The following SNX29 variants were observed in gnomAD, a reference collection of about 807,000 sequenced individuals.
SNX29 encodes sorting nexin-29.
In SNX29, 78 loss-of-function variants were observed where a neutral mutation model predicts 102.1. That is an observed-to-expected ratio of 0.76 (90% confidence interval 0.64 to 0.92). SNX29 has a LOEUF of 0.92. Among genes scored for constraint, SNX29 ranks in the 40% least tolerant of loss-of-function variants. The pLI is 0.00. For missense variants in SNX29, 1,280 were observed against 1,061.7 expected (o/e 1.21, Z -2.86); for synonymous variants, 580 against 414.5 (o/e 1.40, Z -4.85).
At chr16:12,535,325 G>T (rs1338817603) in intron 20 of SNX29, among the ~76,000 whole-genome samples, 1 of 152,180 alleles carries the variant, frequency 6.6e-6, no homozygotes, top group Non-Finnish European at 1.5e-5. Flanking sequence ...TTTTAGTAGA[G>T]ATGAGGTTTC....
chr16:12,063,392 T>TTTTTTTTG (rs2050869606), intron 9 of SNX29, among the ~76,000 whole-genome samples: 3 of 99,912 alleles, frequency 3.0e-5, no homozygotes, highest in Non-Finnish European at 6.0e-5. Context: ...TTTTTTTTTT[T>TTTTTTTTG]GAGGTGGAGT....
intron 18 of SNX29, among the ~76,000 whole-genome samples, chr16:12,404,934 A>G (rs1285826902): frequency 1.3e-5 from 2 of 152,258 alleles, no homozygotes; most frequent in Admixed American, 1.3e-4. Flanking sequence ...AGACTTTGGC[A>G]TGAGAAGTTT....
intron 15 of SNX29, among the ~76,000 whole-genome samples, chr16:12,292,487 C>T (rs2151067535): frequency 6.6e-6 from 1 of 152,290 alleles, no homozygotes; most frequent in East Asian, 1.9e-4. Flanking sequence ...ATAGGAATTT[C>T]CTCTTAAGTC....
Position 12,570,348 on chromosome 16 carries a change from G to A in SNX29, c.*1719G>A. ...AACTTGGTCTCCCTCCCACTCACCT[G>A]CCAACATTGCTGCAATACACATGGT... On this transcript the variant is annotated 3_prime_UTR_variant, in exon 21 of 21. Coordinates refer to ENST00000566228, the MANE Select transcript of SNX29 (RefSeq NM_032167.5). The A allele has an allele frequency of 1.6e-6, 1 of 607,586 alleles. No homozygotes were observed. Among genetic ancestry groups the A allele is most frequent in the Non-Finnish European group, 2.2e-6 (1 of 460,410 alleles). 37.6% of individuals were successfully genotyped at this position (607,586 alleles called of 1,614,324 possible).
At chr16:12,220,056 T>G (rs976680044) in intron 14 of SNX29, among the ~76,000 whole-genome samples, 5 of 152,240 alleles carry the variant, frequency 3.3e-5, no homozygotes, top group African/African-American at 1.2e-4. Flanking sequence ...TGAAAACTGA[T>G]TCTGCTGTTA....
chr16:12,558,293 C>G lies in SNX29; in HGVS notation c.2319-10213C>G, dbSNP rs540746225. ...GTCAGGCTGAGCCAGCTCTGAAACG[C>G]GAGATGGCCCCTGGTCACCTCAAGT... On this transcript the variant is annotated intron_variant, in intron 20 of 20. Coordinates refer to ENST00000566228, the MANE Select transcript of SNX29 (RefSeq NM_032167.5). 7.2e-5 allele frequency among the ~76,000 whole-genome samples: 11 copies of G among 152,214 alleles called. No individual in the cohort carries two copies. In the South Asian group the frequency reaches 2.1e-3, roughly 29 times the overall value.
chr16:12,094,238 G>A (rs1290531643), intron 11 of SNX29, among the ~76,000 whole-genome samples: 2 of 152,144 alleles, frequency 1.3e-5, no homozygotes, highest in Non-Finnish European at 2.9e-5. Flanking sequence ...AGCTATCGAA[G>A]GGTGTTATAT....
chr16:12,327,429 G>A (rs1006332788), intron 15 of SNX29, among the ~76,000 whole-genome samples: 19 of 151,934 alleles, frequency 1.3e-4, no homozygotes, highest in African/African-American at 4.1e-4. Context: ...TCAAGGTGTC[G>A]GCAGGGTTGT....
chr16:12,139,143 A>G (rs1024634217), intron 13 of SNX29, among the ~76,000 whole-genome samples: 3 of 129,542 alleles, frequency 2.3e-5, no homozygotes, highest in African/African-American at 8.9e-5. Context: ...GGCTGCGGTG[A>G]GCTGAGATCG....
intron 15 of SNX29, among the ~76,000 whole-genome samples, chr16:12,334,282 C>T (rs1217532875): frequency 1.3e-5 from 2 of 152,192 alleles, no homozygotes; most frequent in Non-Finnish European, 2.9e-5. Context: ...GCAACTTTCA[C>T]AGCAACTGTT....
At chr16:12,474,700 AT>A (rs1373769362) in intron 18 of SNX29, among the ~76,000 whole-genome samples, 1 of 152,176 alleles carries the variant, frequency 6.6e-6, no homozygotes, top group African/African-American at 2.4e-5. Flanking sequence ...TACGATGGCA[AT>A]TTATCATTGG....
intron 16 of SNX29, among the ~76,000 whole-genome samples, chr16:12,364,409 T>A (rs2082398584): frequency 8.9e-6 from 1 of 112,584 alleles, no homozygotes; most frequent in South Asian, 2.4e-4. Context: ...AATTTTTCTC[T>A]CTTCTTCTTT....
chr16:12,433,625 C>T lies in SNX29; in HGVS notation c.2037+30096C>T, dbSNP rs1313162469. 8.4e-5 allele frequency among the ~76,000 whole-genome samples: 9 copies of T among 107,498 alleles called. No individual in the cohort carries two copies. The South Asian group carries it at 2.0e-3, about 23-fold the overall frequency. 70.5% of individuals were successfully genotyped at this position (107,498 alleles called of 152,430 possible). On this transcript the variant is annotated intron_variant, in intron 18 of 20. Coordinates refer to ENST00000566228, the MANE Select transcript of SNX29 (RefSeq NM_032167.5). ...CAGCCTGGGCAACAGAGCAAGACTGCGTCTCAAAAAAAAAAAAAAAAAAAA... is the reference window on the plus strand; with the variant it reads ...CAGCCTGGGCAACAGAGCAAGACTGTGTCTCAAAAAAAAAAAAAAAAAAAA...
intron 15 of SNX29, among the ~76,000 whole-genome samples, chr16:12,324,712 C>T (rs1005305356): frequency 5.9e-5 from 9 of 152,096 alleles, no homozygotes; most frequent in Middle Eastern, 3.2e-3. Context: ...GGCCCCCAGC[C>T]CATCTCCTAG....
chr16:12,202,431 G>A (rs778607540), intron 14 of SNX29, among the ~76,000 whole-genome samples: 1 of 152,228 alleles, frequency 6.6e-6, no homozygotes, highest in Non-Finnish European at 1.5e-5. Context: ...CAGATTTGCC[G>A]GAAGTTTACA....
intron 14 of SNX29, among the ~76,000 whole-genome samples, chr16:12,228,964 G>A (rs1162029035): frequency 6.6e-6 from 1 of 152,198 alleles, no homozygotes; most frequent in Non-Finnish European, 1.5e-5. Flanking sequence ...CTCTCCCTAA[G>A]TGAGTGTCTA....
intron 20 of SNX29, among the ~76,000 whole-genome samples, chr16:12,555,743 C>T (rs1352577632): frequency 2.0e-5 from 3 of 152,076 alleles, no homozygotes; most frequent in Non-Finnish European, 4.4e-5. Flanking sequence ...CTTCCACCTC[C>T]CCACAACTCC....
At chr16:12,567,244 C>T (rs551808811) in intron 20 of SNX29, among the ~76,000 whole-genome samples, 3 of 152,206 alleles carry the variant, frequency 2.0e-5, no homozygotes, top group African/African-American at 7.2e-5. Context: ...GCTGTGGACA[C>T]AGTCCTGTCT....
intron 18 of SNX29, among the ~76,000 whole-genome samples, chr16:12,449,912 A>T (rs1597418613): frequency 1.3e-5 from 2 of 152,206 alleles, no homozygotes; most frequent in Admixed American, 1.3e-4. Flanking sequence ...CCCATATCTC[A>T]TCTTGAGTTG....
Sources: gnomAD v4.1 joint callset for allele counts (sites outside exome capture counted in the v4.1 genomes callset) on GRCh38, gnomAD v4.1.1 for gene constraint, MANE v1.5 for transcripts, NCBI Gene and HGNC (gene_info 2026-07-23, HGNC 2026-07-21) for gene names.